PDLIM5: variants seen among roughly 807,000 people sequenced by gnomAD.
PDLIM5 encodes the protein PDZ and LIM domain protein 5.
In PDLIM5, 34 loss-of-function variants were observed where a neutral mutation model predicts 64.2. The ratio of observed to expected loss-of-function variants is 0.53; its 90% CI spans 0.40 to 0.71. The LOEUF is 0.71. Among genes scored for constraint, PDLIM5 ranks in the 30% least tolerant of loss-of-function variants. The pLI is 0.00. For synonymous variants in PDLIM5, 253 were observed against 269.1 expected, an observed-to-expected ratio of 0.94 and a Z score of 0.59; for missense variants, 683 against 733.6, an observed-to-expected ratio of 0.93 and a Z score of 0.80.
At chr4:94,638,714 AC>A (rs374575786) in intron 8 of PDLIM5, among the ~76,000 whole-genome samples, 316 of 152,236 alleles carry the variant, frequency 2.1e-3, no homozygotes, top group African/African-American at 7.3e-3. Flanking sequence ...TTTCACATGC[AC>A]CTTTTCTCTT....
chr4:94,656,629 TTTTA>T (rs778058070), intron 10 of PDLIM5, among the ~76,000 whole-genome samples: 3 of 149,728 alleles, frequency 2.0e-5, no homozygotes, highest in East Asian at 3.9e-4. Context: ...ATTTTATTAT[TTTTA>T]TTTATTTATT....
chr4:94,538,082 GTA>G (rs1225927672), intron 3 of PDLIM5, among the ~76,000 whole-genome samples: 2 of 152,142 alleles, frequency 1.3e-5, no homozygotes, highest in Non-Finnish European at 2.9e-5. Context: ...CCTGTTAAGA[GTA>G]TTAACAGGGA....
intron 3 of PDLIM5, among the ~76,000 whole-genome samples, chr4:94,542,334 AG>A (rs199838457): frequency 0.039 from 5,765 of 148,876 alleles, 217 homozygotes; most frequent in African/African-American, 0.096. Flanking sequence ...AAATAAATAA[AG>A]TAAGTAAGTA....
chr4:94,507,157 A>G (rs1439351085), intron 2 of PDLIM5, among the ~76,000 whole-genome samples: 6 of 151,914 alleles, frequency 3.9e-5, no homozygotes, highest in South Asian at 2.1e-4. Flanking sequence ...CAGCTTGCAG[A>G]TGGCCTATCG....
intron 3 of PDLIM5, among the ~76,000 whole-genome samples, chr4:94,546,107 T>C (rs2510774): frequency 0.52 from 78,772 of 152,038 alleles, 21,486 homozygotes; most frequent in African/African-American, 0.68. Flanking sequence ...ATTATACAAA[T>C]GATGGATATA....
At chr4:94,647,458 T>C (rs1161337939) in intron 9 of PDLIM5, among the ~76,000 whole-genome samples, 2 of 152,066 alleles carry the variant, frequency 1.3e-5, no homozygotes, top group Non-Finnish European at 2.9e-5. Context: ...ATGTGAGTTA[T>C]AAACACATAT....
chr4:94,591,482 G>A lies in PDLIM5; in HGVS notation c.920+5038G>A, dbSNP rs114158314. 1.7e-3 allele frequency among the ~76,000 whole-genome samples: 262 copies of A among 152,290 alleles called. 2 individuals are homozygous for A. Among genetic ancestry groups the A allele is most frequent in the Admixed American group, 2.4e-3 (37 of 15,300 alleles). ...TGGAGGACTTGATACCTCTGCTGAT[G>A]GGAGTGTCGTAGGCAGACAGCCTTC... On this transcript the variant is annotated intron_variant, in intron 7 of 12. Coordinates refer to ENST00000317968, the MANE Select transcript of PDLIM5 (RefSeq NM_006457.5).
intron 3 of PDLIM5, among the ~76,000 whole-genome samples, chr4:94,538,745 T>C (rs1490585486): frequency 1.3e-5 from 2 of 152,234 alleles, no homozygotes; most frequent in Non-Finnish European, 1.5e-5. Flanking sequence ...TTAAGTTGTT[T>C]ATTTTCCTGA....
intron 2 of PDLIM5, among the ~76,000 whole-genome samples, chr4:94,513,995 C>T (rs1158653615): frequency 1.3e-5 from 2 of 152,018 alleles, no homozygotes; most frequent in Non-Finnish European, 2.9e-5. Flanking sequence ...GGTTTTTGTC[C>T]TTCATCTTGT....
chr4:94,501,210 C>G (rs181960452), intron 2 of PDLIM5, among the ~76,000 whole-genome samples: 3 of 151,924 alleles, frequency 2.0e-5, no homozygotes, highest in African/African-American at 7.2e-5. Context: ...GTAGCTGAGA[C>G]TACAGGTGTG....
rs1742073963 is a variant in PDLIM5 at position 94,654,608 on chromosome 4, G to A, written c.1432G>A (p.Glu478Lys). ...ELCYEKFFAP[E>K]CGRCQRKILG... ...GTGCTATGAGAAATTCTTTGCCCCT[G>A]AATGTGGTCGATGCCAAAGGAAGAT... Residue 478 changes from glutamate (E) to lysine (K), a missense_variant, in exon 10 of 13, where the codon GAA (glutamate) becomes AAA (lysine). Glu to Lys is a moderately conservative substitution (Grantham distance 56). Coordinates refer to ENST00000317968, the MANE Select transcript of PDLIM5 (RefSeq NM_006457.5). The A allele has an allele frequency of 6.2e-7, 1 of 1,612,354 alleles. No homozygotes were observed. Among genetic ancestry groups the A allele is most frequent in the African/African-American group, 1.3e-5 (1 of 75,050 alleles).
chr4:94,545,372 G>C (rs1272919939), intron 3 of PDLIM5, among the ~76,000 whole-genome samples: 1 of 152,032 alleles, frequency 6.6e-6, no homozygotes, highest in Non-Finnish European at 1.5e-5. Flanking sequence ...AATAATATTT[G>C]CTTTGCCTAT....
chr4:94,457,734 C>G (rs1279197683), intron 2 of PDLIM5, among the ~76,000 whole-genome samples: 2 of 152,188 alleles, frequency 1.3e-5, no homozygotes, highest in Admixed American at 6.5e-5. Context: ...GGTACTAGCT[C>G]CATGTTGTGA....
At chr4:94,512,686 T>C (rs1392235796) in intron 2 of PDLIM5, among the ~76,000 whole-genome samples, 3 of 152,140 alleles carry the variant, frequency 2.0e-5, no homozygotes, top group Non-Finnish European at 4.4e-5. Flanking sequence ...ATTCTGTGTT[T>C]TGTCTCTTTG....
intron 10 of PDLIM5, among the ~76,000 whole-genome samples, chr4:94,655,024 A>C (rs1742105426): frequency 6.6e-6 from 1 of 152,226 alleles, no homozygotes; most frequent in African/African-American, 2.4e-5. Context: ...TAAATTCCAT[A>C]GCTTTTATAA....
At chr4:94,593,280 T>C (rs1037189153) in intron 7 of PDLIM5, among the ~76,000 whole-genome samples, 1 of 152,188 alleles carries the variant, frequency 6.6e-6, no homozygotes, top group Non-Finnish European at 1.5e-5. Context: ...ATTATAAAAT[T>C]CATCTCTGGT....
Position 94,646,801 on chromosome 4 carries a change from G to A in PDLIM5, c.1283+6351G>A, listed in dbSNP as rs143417326. On this transcript the variant is annotated intron_variant, in intron 9 of 12. Transcript: ENST00000317968. ...ATGGTATATATTTCTAGTCTACCCC[G>A]TGCTCACACCCGAATGATGGGTGTG... 6.6e-5 allele frequency among the ~76,000 whole-genome samples: 10 copies of A among 152,176 alleles called. No individual in the cohort carries two copies. In the East Asian group the frequency reaches 7.7e-4, roughly 12 times the overall value.
intron 2 of PDLIM5, among the ~76,000 whole-genome samples, chr4:94,475,145 CTTT>C (rs755044470): frequency 6.9e-6 from 1 of 145,732 alleles, no homozygotes; most frequent in Admixed American, 6.9e-5. Flanking sequence ...CCTCCCCCGC[CTTT>C]TTTTTTTTAC....
In PDLIM5 at chr4:94,575,911, C is replaced by G; in HGVS notation, c.587C>G (p.Ala196Gly). The G allele has an allele frequency of 6.2e-7, 1 of 1,614,120 alleles. No individual in the cohort carries two copies. Among genetic ancestry groups the G allele is most frequent in the Non-Finnish European group, 8.5e-7 (1 of 1,180,000 alleles). Residue 196 changes from alanine to glycine, a missense_variant, in exon 5 of 13, where the codon GCT (alanine) becomes GGT (glycine). Coordinates refer to ENST00000317968, the MANE Select transcript of PDLIM5 (RefSeq NM_006457.5). ...GACCAGTCTCCATCTGCACTGAGCGCTGGTAAAACTGCAGTTAATGTCCCA... is the reference window on the plus strand; with the variant it reads ...GACCAGTCTCCATCTGCACTGAGCGGTGGTAAAACTGCAGTTAATGTCCCA... ...SADQSPSALS[A>G]GKTAVNVPRQ...
Sources: allele counts gnomAD v4.1 joint callset (sites outside exome capture counted in the v4.1 genomes callset), GRCh38; gene constraint gnomAD v4.1.1; transcripts MANE v1.5; gene names NCBI Gene and HGNC (gene_info 2026-07-23, HGNC 2026-07-21).